ATG7: variants seen among roughly 807,000 people sequenced by gnomAD.
ATG7 encodes ubiquitin-like modifier-activating enzyme ATG7.
Under a neutral mutation model 82.4 loss-of-function variants are expected in ATG7, and 70 were observed. The ratio of observed to expected loss-of-function variants is 0.85; its 90% CI spans 0.70 to 1.04. The LOEUF is 1.04. Ranked by LOEUF, ATG7 falls within the 50% of genes least tolerant of loss-of-function variation. The pLI is 0.00. For missense variants in ATG7, 792 were observed against 864.3 expected, an observed-to-expected ratio of 0.92 and a Z score of 1.05; for synonymous variants, 287 against 313.0, an observed-to-expected ratio of 0.92 and a Z score of 0.88.
At chr3:11,317,589 T>A (rs865995871) in intron 9 of ATG7, among the ~76,000 whole-genome samples, 7 of 147,466 alleles carry the variant, frequency 4.7e-5, no homozygotes, top group African/African-American at 1.8e-4. Flanking sequence ...TCTTTCTTTT[T>A]TTTTTTTTTT....
At chr3:11,274,602 C>T (rs1425579656) in intron 1 of ATG7, among the ~76,000 whole-genome samples, 1 of 152,140 alleles carries the variant, frequency 6.6e-6, no homozygotes, top group African/African-American at 2.4e-5. Context: ...GCACTAGCCA[C>T]ATCGTGAAGG....
At chr3:11,503,755 CAAA>C (rs34065629) in intron 20 of ATG7, among the ~76,000 whole-genome samples, 16 of 76,960 alleles carry the variant, frequency 2.1e-4, no homozygotes, top group Admixed American at 6.6e-4. Flanking sequence ...GACTCTGTCT[CAAA>C]AAAAAAAAAA....
At position 11,371,860 on chromosome 3, in the gene ATG7, C is replaced by T. The variant is rs544411529; in HGVS notation, c.1875+7126C>T. On this transcript the variant is annotated intron_variant, in intron 18 of 20. Coordinates refer to ENST00000693202, the MANE Select transcript of ATG7 (RefSeq NM_001349232.2). ...TTGTTCCCAGTGCACATCTGCAGCC[C>T]CAACAGGTGTTCCTGCCTGAGAGCC... Among the ~76,000 whole-genome samples the T allele has an allele frequency of 3.3e-5, 5 of 151,432 alleles. 1 individual carries two copies. The South Asian group carries it at 6.3e-4, about 19-fold the overall frequency.
chr3:11,372,811 T>TGCGCGC lies in ATG7; in HGVS notation c.1876-7160_1876-7159insCGCGCG, dbSNP rs1320943010. On this transcript the variant is annotated intron_variant, in intron 18 of 20. Coordinates refer to ENST00000693202, the MANE Select transcript of ATG7 (RefSeq NM_001349232.2). Reference sequence around the variant, plus strand: ...GGTAGGTAAGGGCTGGGTGTGTGTGTGTGTGCGCGCGTGTGCGTGTGTGTG... The same window carrying TGCGCGC: ...GGTAGGTAAGGGCTGGGTGTGTGTGTGCGCGCGTGTGCGCGCGTGTGCGTGTGTGTG... 8.1e-5 allele frequency among the ~76,000 whole-genome samples: 10 copies of TGCGCGC among 123,206 alleles called. No homozygotes were observed. The East Asian group carries it at 9.9e-4, about 12-fold the overall frequency. The allele number at this position is 123,206 out of a possible 152,430, so 80.8% of individuals were successfully genotyped here.
chr3:11,464,362 G>GA (rs201244311), intron 20 of ATG7, among the ~76,000 whole-genome samples: 2,375 of 152,318 alleles, frequency 0.016, 69 homozygotes, highest in African/African-American at 0.055. Flanking sequence ...GAACGAGCAA[G>GA]ACCCTGTCTC....
chr3:11,541,824 C>A (rs894567202), intron 20 of ATG7, among the ~76,000 whole-genome samples: 5 of 152,194 alleles, frequency 3.3e-5, no homozygotes, highest in Non-Finnish European at 7.3e-5. Flanking sequence ...TTCTAAGGAA[C>A]TGGAAATAAG....
the ATG7 span, among the ~76,000 whole-genome samples, chr3:11,565,784 T>C: frequency 6.6e-6 from 1 of 152,178 alleles, no homozygotes; most frequent in Non-Finnish European, 1.5e-5. The surrounding 1 kb of genome is among the most constrained non-coding windows in gnomAD (Gnocchi z 4.1). Flanking sequence ...CTCCATCTGA[T>C]GTGTTAGTCT....
chr3:11,422,900 G>A (rs903845708), intron 19 of ATG7, among the ~76,000 whole-genome samples: 2 of 151,772 alleles, frequency 1.3e-5, no homozygotes, highest in Non-Finnish European at 2.9e-5. Flanking sequence ...GATTACAGGC[G>A]TGCGCCACTA....
intron 20 of ATG7, among the ~76,000 whole-genome samples, chr3:11,509,136 GT>G (rs1249848236): frequency 6.6e-6 from 1 of 151,712 alleles, no homozygotes; most frequent in Non-Finnish European, 1.5e-5. Flanking sequence ...TCATGGGTTG[GT>G]TTTTTTTCTT....
At position 11,325,626 on chromosome 3, in the gene ATG7, G is replaced by A. The variant is rs138847366; in HGVS notation, c.679-5714G>A. 2.0e-3 allele frequency among the ~76,000 whole-genome samples: 302 copies of A among 151,808 alleles called. 1 individual carries two copies. Among genetic ancestry groups the A allele is most frequent in the African/African-American group, 7.0e-3 (291 of 41,338 alleles). ...GTGGAGGTTATGGTGAGCTGAGATC[G>A]TGCCATTGCATTCCAGCCTGGGCAA... On this transcript the variant is annotated intron_variant, in intron 9 of 20. Transcript: ENST00000693202.
intron 13 of ATG7, among the ~76,000 whole-genome samples, chr3:11,344,568 TTTAAATG>T (rs1954195448): frequency 2.0e-5 from 3 of 152,206 alleles, no homozygotes; most frequent in African/African-American, 7.2e-5. Flanking sequence ...ATGTTTTGTT[TTTAAATG>T]TTACATTTTG....
At chr3:11,513,996 TAGA>T (rs2092177688) in intron 20 of ATG7, among the ~76,000 whole-genome samples, 1 of 152,228 alleles carries the variant, frequency 6.6e-6, no homozygotes, top group Admixed American at 6.5e-5. Context: ...CCCAAGTAGC[TAGA>T]AGAACTACAG....
intron 20 of ATG7, among the ~76,000 whole-genome samples, chr3:11,448,655 A>T (rs2084807412): frequency 6.6e-6 from 1 of 152,232 alleles, no homozygotes; most frequent in Non-Finnish European, 1.5e-5. Context: ...ATGGAGGCAA[A>T]GCTGGTTGTT....
intron 12 of ATG7, 143 bp from the exon 13 acceptor site, chr3:11,341,992 C>T (rs1953717467): frequency 4.0e-6 from 4 of 1,006,406 alleles, no homozygotes; most frequent in Non-Finnish European, 4.2e-6. Context: ...CTCCTCCCTG[C>T]TTACCCTCCA....
At chr3:11,416,247 T>G (rs1381179052) in intron 19 of ATG7, among the ~76,000 whole-genome samples, 1 of 152,236 alleles carries the variant, frequency 6.6e-6, no homozygotes, top group African/African-American at 2.4e-5. Flanking sequence ...TTCCCTTTGC[T>G]TCTGTCTTCT....
At chr3:11,313,634 C>T (rs1242815969) in intron 8 of ATG7, among the ~76,000 whole-genome samples, 1 of 152,148 alleles carries the variant, frequency 6.6e-6, no homozygotes, top group Non-Finnish European at 1.5e-5. Context: ...CTGGGTCTCA[C>T]CCCCATTACG....
At chr3:11,395,768 G>A (rs976689643) in intron 19 of ATG7, among the ~76,000 whole-genome samples, 2 of 151,834 alleles carry the variant, frequency 1.3e-5, no homozygotes, top group Admixed American at 6.6e-5. Flanking sequence ...GTGAAACCCC[G>A]TCTCTACTAA....
chr3:11,462,783 T>G (rs1014586478), intron 20 of ATG7, among the ~76,000 whole-genome samples: 4 of 152,130 alleles, frequency 2.6e-5, no homozygotes. Context: ...TAAAAGATGT[T>G]CAAACATCGT....
chr3:11,293,405 C>T (rs1575208812), intron 3 of ATG7, among the ~76,000 whole-genome samples: 1 of 151,820 alleles, frequency 6.6e-6, no homozygotes. Flanking sequence ...GTGGTGCATG[C>T]CTGTAATCCC....
Sources: allele counts gnomAD v4.1 joint callset (sites outside exome capture counted in the v4.1 genomes callset), GRCh38; gene constraint gnomAD v4.1.1; non-coding constraint Gnocchi (gnomAD v3.1); transcripts MANE v1.5; gene names NCBI Gene and HGNC (gene_info 2026-07-23, HGNC 2026-07-21).